Variants in HHAT observed in about 807,000 individuals in gnomAD.
The protein encoded by HHAT is hedgehog acyltransferase.
HHAT carries 47 observed loss-of-function variants against 70.8 expected under a neutral mutation model. The ratio of observed to expected loss-of-function variants is 0.66; its 90% CI spans 0.53 to 0.85. HHAT has a LOEUF of 0.85. HHAT is among the 40% of genes least tolerant of loss of function. The pLI is 0.00. For missense variants in HHAT, 609 were observed against 604.8 expected (o/e 1.01, Z -0.07); for synonymous variants, 228 against 247.6 (o/e 0.92, Z 0.74).
chr1:210,610,064 T>A (rs1666275257), intron 10 of HHAT, among the ~76,000 whole-genome samples: 1 of 152,214 alleles, frequency 6.6e-6, no homozygotes, highest in African/African-American at 2.4e-5. Context: ...GTATTTCTGC[T>A]TCTAGGTCTT....
chr1:210,569,109 C>G (rs1294253805), intron 9 of HHAT, among the ~76,000 whole-genome samples: 3 of 152,228 alleles, frequency 2.0e-5, no homozygotes, highest in Non-Finnish European at 2.9e-5. Context: ...CACAATGGCT[C>G]ATGCCTGTAA....
At chr1:210,382,464 C>T (rs528975486) in intron 3 of HHAT, among the ~76,000 whole-genome samples, 4 of 152,256 alleles carry the variant, frequency 2.6e-5, no homozygotes, top group African/African-American at 7.2e-5. Flanking sequence ...TTTTTGGCTC[C>T]GTTCCTGCTC....
intron 3 of HHAT, among the ~76,000 whole-genome samples, chr1:210,363,645 G>T (rs2088598364): frequency 6.6e-6 from 1 of 152,094 alleles, no homozygotes; most frequent in Non-Finnish European, 1.5e-5. Flanking sequence ...GCTATGACTT[G>T]GACTGTAGGG....
intron 2 of HHAT, among the ~76,000 whole-genome samples, chr1:210,349,824 T>G (rs1360929224): frequency 6.6e-6 from 1 of 152,010 alleles, no homozygotes; most frequent in Non-Finnish European, 1.5e-5. Flanking sequence ...CTAATTTTTG[T>G]ATTTTTAGTA....
chr1:210,630,861 A>C (rs1670722351), intron 11 of HHAT: 1 of 359,522 alleles, frequency 2.8e-6, no homozygotes, highest in African/African-American at 2.1e-5. Flanking sequence ...TCGTCTTCCT[A>C]GTGGACAGCC....
chr1:210,427,861 G>T (rs377034970), intron 7 of HHAT, among the ~76,000 whole-genome samples: 1 of 152,038 alleles, frequency 6.6e-6, no homozygotes, highest in East Asian at 1.9e-4. Flanking sequence ...TTAATTTTCT[G>T]TCTAGATGAT....
intron 11 of HHAT, among the ~76,000 whole-genome samples, chr1:210,633,507 G>A (rs1483878038): frequency 1.3e-5 from 2 of 152,220 alleles, no homozygotes; most frequent in Admixed American, 6.5e-5. Context: ...CAGGGATGTG[G>A]TAGGTGAAGG....
intron 9 of HHAT, among the ~76,000 whole-genome samples, chr1:210,576,104 A>G (rs543862432): frequency 6.6e-6 from 1 of 152,276 alleles, no homozygotes; most frequent in South Asian, 2.1e-4. Flanking sequence ...TGTTGAATCC[A>G]TAGCTTTGAC....
rs543376910 is a variant in HHAT at position 210,423,719 on chromosome 1, G to A, written c.856+5394G>A. 1.3e-3 allele frequency among the ~76,000 whole-genome samples: 199 copies of A among 152,170 alleles called. 2 individuals are homozygous for A. The highest frequency in any genetic ancestry group is 2.2e-3 in the Non-Finnish European group (147 of 67,980). On this transcript the variant is annotated intron_variant, in intron 7 of 11. Coordinates refer to ENST00000261458, the MANE Select transcript of HHAT (RefSeq NM_018194.6). The stretch of plus-strand genomic sequence containing the variant: ...ACATAGGTCTTTGATCCATTTTGAG[G>A]GTGAGAGGTGGGGGTCTGGTTCCAT...
intron 1 of HHAT, among the ~76,000 whole-genome samples, chr1:210,341,321 G>A (rs1316511222): frequency 1.3e-5 from 2 of 152,168 alleles, no homozygotes; most frequent in Admixed American, 6.5e-5. Context: ...TAAAATGGAA[G>A]TGTTGGAATC....
Position 210,400,625 on chromosome 1 carries a change from T to TCTC in HHAT, c.433_435dup (p.Ser145dup). 6.2e-7 allele frequency: 1 copy of TCTC among 1,613,966 alleles called. No homozygotes were observed. Among genetic ancestry groups the TCTC allele is most frequent in the African/African-American group, 1.3e-5 (1 of 75,014 alleles). On this transcript the variant is annotated inframe_insertion, in exon 5 of 12. Transcript: ENST00000261458. ...ACGTGGCTCTGTTCTCTCCTCCTCC[T>TCTC]CTCCACACTGAGGCTGCAGGGTGTG...
chr1:210,579,918 G>T (rs1232687149), intron 9 of HHAT, among the ~76,000 whole-genome samples: 1 of 152,134 alleles, frequency 6.6e-6, no homozygotes, highest in Non-Finnish European at 1.5e-5. Flanking sequence ...TACAAGCTTG[G>T]GTTCATCAGC....
chr1:210,358,862 A>G (rs2087942044), intron 2 of HHAT, among the ~76,000 whole-genome samples: 1 of 152,210 alleles, frequency 6.6e-6, no homozygotes, highest in East Asian at 1.9e-4. Flanking sequence ...GAAAAGGGGT[A>G]GGTTAGTTAG....
rs142892593 is a variant in HHAT at position 210,661,875 on chromosome 1, C to A, written c.1391-12413C>A. On this transcript the variant is annotated intron_variant, in intron 11 of 11. Transcript: ENST00000261458. The stretch of plus-strand genomic sequence containing the variant: ...GGGGAGGGTAGCATTAGGAGAAATA[C>A]CTAATGTAAATGACGAGTTAATGGG... 3.4e-4 allele frequency among the ~76,000 whole-genome samples: 51 copies of A among 152,146 alleles called. 3 individuals carry two copies. In the East Asian group the frequency reaches 8.7e-3, roughly 26 times the overall value.
chr1:210,614,434 T>C (rs1667246781), intron 10 of HHAT, among the ~76,000 whole-genome samples: 1 of 152,202 alleles, frequency 6.6e-6, no homozygotes, highest in Admixed American at 6.5e-5. Flanking sequence ...TATTATACTT[T>C]ACATTCTAGG....
chr1:210,501,758 C>T (rs7544655), intron 8 of HHAT, among the ~76,000 whole-genome samples: 107,178 of 151,976 alleles, frequency 0.71, 38,252 homozygotes, highest in Non-Finnish European at 0.77. Context: ...AGTGCTAGTT[C>T]ATAGGCATTT....
At chr1:210,347,858 G>A (rs1257288842) in intron 1 of HHAT, among the ~76,000 whole-genome samples, 3 of 152,184 alleles carry the variant, frequency 2.0e-5, no homozygotes, top group Admixed American at 6.5e-5. Context: ...AGGAAAGGGA[G>A]GGAAAGAAAG....
chr1:210,459,577 G>A (rs2093938196), intron 7 of HHAT, among the ~76,000 whole-genome samples: 1 of 152,048 alleles, frequency 6.6e-6, no homozygotes, highest in Non-Finnish European at 1.5e-5. Flanking sequence ...TATGATGAGA[G>A]CCCAAGAGGA....
intron 6 of HHAT, among the ~76,000 whole-genome samples, chr1:210,405,356 C>T (rs1436538995): frequency 6.6e-6 from 1 of 152,086 alleles, no homozygotes; most frequent in Non-Finnish European, 1.5e-5. Flanking sequence ...GCCTCCTCAA[C>T]CTACCTCTAG....
Sources: gnomAD v4.1 joint callset for allele counts (sites outside exome capture counted in the v4.1 genomes callset) on GRCh38, gnomAD v4.1.1 for gene constraint, MANE v1.5 for transcripts, NCBI Gene and HGNC (gene_info 2026-07-23, HGNC 2026-07-21) for gene names.